The following ALG1L2 variants were observed in gnomAD, a reference collection of about 807,000 sequenced individuals.
The protein encoded by ALG1L2 is putative glycosyltransferase ALG1L2.
ALG1L2 carries 32 observed loss-of-function variants against 29.0 expected under a neutral mutation model. The observed-to-expected ratio is 1.10, with a 90% CI of 0.83 to 1.48. The LOEUF (loss-of-function observed/expected upper bound fraction) is 1.48. Ranked by LOEUF, ALG1L2 falls within the 40% of genes most tolerant of loss-of-function variation. The pLI is 0.00. For missense variants in ALG1L2, 318 were observed against 274.1 expected, an observed-to-expected ratio of 1.16 and a Z score of -1.13; for synonymous variants, 110 against 109.5, an observed-to-expected ratio of 1.00 and a Z score of -0.03.
rs748974396 is a variant in ALG1L2, at chr3:130,094,506, G to A, written c.417G>A (p.Pro139=). 4.4e-6 allele frequency: 7 copies of A among 1,595,054 alleles called. No homozygotes were observed. Among genetic ancestry groups the A allele is most frequent in the Non-Finnish European group, 5.1e-6 (6 of 1,178,912 alleles). ...GGCTGGAGGGCCGAGGACTACCCCC[G>A]CTTCTAGGTGAGAGGCCAGCAGGAG... The part of the protein sequence containing the change: ...IPWLEGRGLP[P]LLGSVDLDVC... The change falls in exon 5 of 8, where the codon CCG becomes CCA. Residue 139 remains proline (P), a synonymous_variant. Coordinates refer to ENST00000425059, the MANE Select transcript of ALG1L2 (RefSeq NM_001136152.1).
intron 4 of ALG1L2, among the ~76,000 whole-genome samples, chr3:130,093,434 C>CT (rs34096233): frequency 0.67 from 95,366 of 142,924 alleles, 32,210 homozygotes; most frequent in Middle Eastern, 0.79. Flanking sequence ...TCATTGGTGT[C>CT]TTTTTTTTTT....
intron 7 of ALG1L2, 124 bp downstream of exon 7, chr3:130,097,374 G>C: frequency 1.4e-6 from 2 of 1,438,924 alleles, no homozygotes; most frequent in Admixed American, 2.5e-5. Flanking sequence ...GAAAAGCTAG[G>C]GAGGGAGCAG....
In ALG1L2 at chr3:130,098,372, G is replaced by A. The variant is rs1455363507; in HGVS notation, c.*117G>A. ...TTGGTTATGGACACATAACTCCTGG[G>A]CCAGAGGCTAAAACCCCAGGGCCCC... On this transcript the variant is annotated 3_prime_UTR_variant, in exon 8 of 8. Coordinates refer to ENST00000425059, the MANE Select transcript of ALG1L2 (RefSeq NM_001136152.1). 3 of 1,595,944 alleles carry A rather than the reference G, an allele frequency of 1.9e-6. No homozygotes were observed. The highest frequency in any genetic ancestry group is 2.5e-6 in the Non-Finnish European group (3 of 1,179,572).
At chr3:130,088,609 G>A (rs1319574556) in intron 1 of ALG1L2, among the ~76,000 whole-genome samples, 2 of 152,270 alleles carry the variant, frequency 1.3e-5, no homozygotes, top group Non-Finnish European at 2.9e-5. Flanking sequence ...TTAGAGATGG[G>A]GTTTCAACAT....
rs1428950543 is a variant in ALG1L2 at position 130,097,163 on chromosome 3, TTC to T, written c.540-6_540-5del. On this transcript the variant is annotated splice_polypyrimidine_tract_variant and intron_variant, in intron 6 of 7. Transcript: ENST00000425059. Reference sequence around the variant, plus strand: ...CCAGGAAACTCTCGGGCTCCTTTTGTTCTCTCTGCAGTTTACATGAGCTGGTG... The same window carrying T: ...CCAGGAAACTCTCGGGCTCCTTTTGTTCTCTGCAGTTTACATGAGCTGGTG... The T allele has an allele frequency of 3.7e-6, 6 of 1,611,700 alleles. No homozygotes were observed. Among genetic ancestry groups the T allele is most frequent in the East Asian group, 2.2e-5 (1 of 44,886 alleles).
At chr3:130,087,893 T>TG (rs1181701460) in intron 1 of ALG1L2, among the ~76,000 whole-genome samples, 1 of 70,524 alleles carries the variant, frequency 1.4e-5, no homozygotes, top group African/African-American at 3.7e-5. Context: ...GTCAGTTAGC[T>TG]GGGGGTGAAA....
At position 130,083,455 on chromosome 3, in the gene ALG1L2, A is replaced by AAAAC. The variant is rs1553718867; in HGVS notation, c.20+1435_20+1438dup. Among the ~76,000 whole-genome samples the AAAAC allele has an allele frequency of 9.5e-5, 12 of 125,736 alleles. 5 individuals are homozygous for AAAAC. Among genetic ancestry groups the AAAAC allele is most frequent in the Non-Finnish European group, 1.7e-4 (9 of 53,970 alleles). 82.5% of individuals were successfully genotyped at this position (125,736 alleles called of 152,430 possible). A position where few individuals can be genotyped will look rare whatever the true frequency, so the allele number is the denominator to read the frequency against. Reference sequence around the variant, plus strand: ...AAGACTCTGTCTCGGGAAAAAAACAAAAACAAACAAACAAACAAAAACAGA... The same window carrying AAAAC: ...AAGACTCTGTCTCGGGAAAAAAACAAAAACAAACAAACAAACAAACAAAAACAGA... On this transcript the variant is annotated intron_variant, in intron 1 of 7. Coordinates refer to ENST00000425059, the MANE Select transcript of ALG1L2 (RefSeq NM_001136152.1).
At chr3:130,091,965 G>C in intron 2 of ALG1L2, 136 bp from the exon 3 acceptor site, 8 of 1,413,252 alleles carry the variant, frequency 5.7e-6, no homozygotes, top group Non-Finnish European at 7.8e-6. Context: ...GATTGGCAGG[G>C]GTGGCCTGGT....
intron 1 of ALG1L2, among the ~76,000 whole-genome samples, chr3:130,086,386 G>A (rs1374844985): frequency 2.0e-5 from 3 of 147,428 alleles, no homozygotes; most frequent in African/African-American, 7.3e-5. Flanking sequence ...AAAAGACAGA[G>A]GTGGGCATGG....
intron 5 of ALG1L2, among the ~76,000 whole-genome samples, chr3:130,094,902 G>T (rs73210759): frequency 0.34 from 51,134 of 152,138 alleles, 9,220 homozygotes; most frequent in Middle Eastern, 0.5. Context: ...GTTCTCCTTT[G>T]CCTCCGTCTC....
Position 130,081,917 on chromosome 3 carries a change from C to T in ALG1L2, c.-100C>T. The T allele has an allele frequency of 1.4e-6, 2 of 1,384,314 alleles. No individual in the cohort carries two copies. Among genetic ancestry groups the T allele is most frequent in the Non-Finnish European group, 2.0e-6 (2 of 997,800 alleles). The allele number at this position is 1,384,314 out of a possible 1,614,324, so 85.8% of individuals were successfully genotyped here. A position where few individuals can be genotyped will look rare whatever the true frequency, so the allele number is the denominator to read the frequency against. ...TGCAAAGGCTCAGAGGGAGCTTCTCCAGGATCAGCAGAGCTCGATTGTAGG... is the reference window on the plus strand; with the variant it reads ...TGCAAAGGCTCAGAGGGAGCTTCTCTAGGATCAGCAGAGCTCGATTGTAGG... On this transcript the variant is annotated 5_prime_UTR_variant, in exon 1 of 8. Transcript: ENST00000425059.
rs1376106334 is a variant in ALG1L2, at chr3:130,096,085, C to T, written c.461C>T (p.Ser154Phe). ...VDLDVCLDTS[S>F]SGLDLPMKVV... ...CTGGATGTCTGTCTGGACACGTCCT[C>T]CAGTGGCCTGGACCTGCCCATGAAG... The change falls in exon 6 of 8, where the codon TCC becomes TTC. Residue 154 changes from serine to phenylalanine, a missense_variant. Physicochemically the swap from Ser to Phe is radical, Grantham distance 155. Transcript: ENST00000425059. 3 of 1,547,030 alleles carry T rather than the reference C, an allele frequency of 1.9e-6. No homozygotes were observed. Among genetic ancestry groups the T allele is most frequent in the African/African-American group, 1.6e-5 (1 of 63,198 alleles).
At chr3:130,085,558 C>T (rs190990488) in intron 1 of ALG1L2, among the ~76,000 whole-genome samples, 133 of 150,362 alleles carry the variant, frequency 8.8e-4, no homozygotes, top group African/African-American at 2.9e-3. Context: ...TCCATAAGGA[C>T]ACGCATTATA....
intron 1 of ALG1L2, chr3:130,091,018 T>G: frequency 3.9e-6 from 2 of 506,676 alleles, no homozygotes; most frequent in Non-Finnish European, 7.2e-6. Context: ...ATCTTAGACC[T>G]AGCCTGGTGC....
At chr3:130,097,669 G>C (rs1269686463) in intron 7 of ALG1L2, among the ~76,000 whole-genome samples, 2 of 152,200 alleles carry the variant, frequency 1.3e-5, no homozygotes, top group African/African-American at 2.4e-5. Flanking sequence ...GAATGATTGG[G>C]AGGATTTTCA....
intron 1 of ALG1L2, among the ~76,000 whole-genome samples, chr3:130,088,658 T>C (rs1045525665): frequency 1.4e-4 from 22 of 152,402 alleles, no homozygotes; most frequent in African/African-American, 5.3e-4. Context: ...TCTCAGGTGA[T>C]CCACGCACCT....
rs562046097 is a variant in ALG1L2, at chr3:130,095,325, C to T, written c.425-724C>T. On this transcript the variant is annotated intron_variant, in intron 5 of 7. Transcript: ENST00000425059. ...GGATTCCAGGTGTGACCCATCATGC[C>T]TGGCCCCAGCTAATCTTTAGAAATG... 9.2e-5 allele frequency among the ~76,000 whole-genome samples: 14 copies of T among 151,788 alleles called. No individual in the cohort carries two copies. The East Asian group carries it at 2.2e-3, about 23-fold the overall frequency.
rs939859613 is a variant in ALG1L2 at position 130,092,241 on chromosome 3, G to A, written c.253+19G>A. On this transcript the variant is annotated intron_variant, in intron 3 of 7. Coordinates refer to ENST00000425059, the MANE Select transcript of ALG1L2 (RefSeq NM_001136152.1). ...TGGACAGGTCTGCATGACCACTGGG[G>A]CACTTGGGGTTGGTGTGAAGGGCAC... 6.2e-6 allele frequency: 10 copies of A among 1,604,812 alleles called. No individual in the cohort carries two copies. Among genetic ancestry groups the A allele is most frequent in the Admixed American group, 3.4e-5 (2 of 58,838 alleles).
At chr3:130,097,132 T>G (rs1190744384) in intron 6 of ALG1L2, 43 bp from the exon 7 acceptor site, 2 of 1,609,050 alleles carry the variant, frequency 1.2e-6, no homozygotes, top group African/African-American at 1.3e-5. Context: ...GGGTCTAGTG[T>G]CTTCTCCAGG....
Sources: allele counts gnomAD v4.1 joint callset (sites outside exome capture counted in the v4.1 genomes callset), GRCh38; gene constraint gnomAD v4.1.1; transcripts MANE v1.5; gene names NCBI Gene and HGNC (gene_info 2026-07-23, HGNC 2026-07-21).